The following NRF1 variants were observed in gnomAD, a reference collection of about 807,000 sequenced individuals.
The protein encoded by NRF1 is nuclear respiratory factor 1, also known as alpha palindromic-binding protein.
In NRF1, 5 loss-of-function variants were observed where a neutral mutation model predicts 58.5. That is an observed-to-expected ratio of 0.09 (90% confidence interval 0.04 to 0.18). The LOEUF is 0.18. Among genes scored for constraint, NRF1 ranks in the 10% least tolerant of loss-of-function variants. The probability of loss-of-function intolerance (pLI) is 1.00; values close to 1 mark genes in which losing one functional copy is unlikely to be tolerated. For missense variants in NRF1, 288 were observed against 657.7 expected (o/e 0.44, Z 6.15); for synonymous variants, 224 against 246.7 (o/e 0.91, Z 0.86).
At chr7:129,717,183 CTT>C in intron 8 of NRF1, 34 bp from the exon 9 acceptor site, 1 of 1,547,204 alleles carries the variant, frequency 6.5e-7, no homozygotes, top group South Asian at 1.2e-5. Context: ...ACTTTTGTGG[CTT>C]TGTTTTTTTA....
At chr7:129,665,411 G>C (rs1160372587) in intron 2 of NRF1, among the ~76,000 whole-genome samples, 1 of 152,178 alleles carries the variant, frequency 6.6e-6, no homozygotes, top group Non-Finnish European at 1.5e-5. Flanking sequence ...AGGTGACCCA[G>C]AAAAGGTAAA....
At chr7:129,720,553 A>G (rs532405814) in intron 9 of NRF1, among the ~76,000 whole-genome samples, 3 of 152,304 alleles carry the variant, frequency 2.0e-5, no homozygotes, top group Non-Finnish European at 4.4e-5. Flanking sequence ...TAAAACAAGC[A>G]TGGTTCTCTA....
chr7:129,747,525 T>C (rs559295243), intron 10 of NRF1, among the ~76,000 whole-genome samples: 20 of 152,320 alleles, frequency 1.3e-4, no homozygotes, highest in African/African-American at 4.8e-4. Flanking sequence ...ATACTCAAAG[T>C]CATCTTTGAA....
chr7:129,704,601 A>AT (rs1416915172), intron 5 of NRF1, among the ~76,000 whole-genome samples: 3 of 152,114 alleles, frequency 2.0e-5, no homozygotes, highest in Non-Finnish European at 4.4e-5. Flanking sequence ...ATATTTTTGG[A>AT]TTTTTTTAAC....
At chr7:129,690,663 CTG>C in intron 5 of NRF1, 117 bp downstream of exon 5, 1 of 1,108,988 alleles carries the variant, frequency 9.0e-7, no homozygotes, top group Non-Finnish European at 1.3e-6. Flanking sequence ...GAGATGCTGA[CTG>C]GAGTCTTGTA....
chr7:129,740,554 C>A (rs770718768), intron 10 of NRF1, among the ~76,000 whole-genome samples: 2 of 152,176 alleles, frequency 1.3e-5, no homozygotes, highest in African/African-American at 2.4e-5. Context: ...AATTACCAGG[C>A]CTTTTCTGTC....
At chr7:129,690,749 TCTC>T (rs1237121751) in intron 5 of NRF1, among the ~76,000 whole-genome samples, 2 of 151,956 alleles carry the variant, frequency 1.3e-5, no homozygotes, top group Non-Finnish European at 2.9e-5. Flanking sequence ...ATGGCTGTGG[TCTC>T]CTCTTTCTTC....
chr7:129,747,284 T>C (rs1222162967), intron 10 of NRF1, among the ~76,000 whole-genome samples: 3 of 152,230 alleles, frequency 2.0e-5, no homozygotes, highest in Non-Finnish European at 4.4e-5. Flanking sequence ...GCAGTGCCAG[T>C]TCTGACCATC....
chr7:129,628,246 G>A (rs1160778776), intron 1 of NRF1, among the ~76,000 whole-genome samples: 5 of 149,848 alleles, frequency 3.3e-5, no homozygotes, highest in Admixed American at 6.7e-5. Context: ...GGGTTTCACC[G>A]TGTTAGCCAG....
intron 5 of NRF1, among the ~76,000 whole-genome samples, chr7:129,694,538 T>C (rs1802643191): frequency 6.6e-6 from 1 of 152,102 alleles, no homozygotes; most frequent in African/African-American, 2.4e-5. Context: ...CTAATTTTTT[T>C]TGGATTTTTA....
intron 1 of NRF1, among the ~76,000 whole-genome samples, chr7:129,651,757 A>G (rs1014568609): frequency 6.6e-6 from 1 of 152,208 alleles, no homozygotes. Flanking sequence ...CTCATATATT[A>G]TATTCAATTG....
At chr7:129,702,830 T>TA (rs1209131762) in intron 5 of NRF1, among the ~76,000 whole-genome samples, 2 of 152,168 alleles carry the variant, frequency 1.3e-5, no homozygotes, top group African/African-American at 4.8e-5. Flanking sequence ...AGTTGGCAGA[T>TA]ATGTTGGTCT....
At chr7:129,712,749 A>C (rs915211629) in intron 8 of NRF1, among the ~76,000 whole-genome samples, 2 of 152,250 alleles carry the variant, frequency 1.3e-5, no homozygotes, top group African/African-American at 4.8e-5. Context: ...AGTTTGGGAC[A>C]CTGAAAAACT....
chr7:129,629,397 C>A (rs1800997914), intron 1 of NRF1, among the ~76,000 whole-genome samples: 1 of 151,966 alleles, frequency 6.6e-6, no homozygotes, highest in Non-Finnish European at 1.5e-5. Context: ...TCTGCCTCAG[C>A]CTCCTGAGTA....
chr7:129,702,948 T>C (rs1333731423), intron 5 of NRF1, among the ~76,000 whole-genome samples: 4 of 152,090 alleles, frequency 2.6e-5, no homozygotes, highest in South Asian at 2.1e-4. Context: ...GGAGAGGGTA[T>C]TTGGAGGATG....
At chr7:129,726,083 G>A (rs1402303327) in intron 9 of NRF1, among the ~76,000 whole-genome samples, 1 of 152,182 alleles carries the variant, frequency 6.6e-6, no homozygotes, top group Non-Finnish European at 1.5e-5. Context: ...CCACTGCCAT[G>A]TTACAGCAAA....
chr7:129,755,197 T>C lies in NRF1; in HGVS notation c.*16T>C, dbSNP rs774071452. ...GGAACAGTGACATACAGCCATATTA[T>C]GGCATCGTTTTCTAGTCTACTTCAA... On this transcript the variant is annotated 3_prime_UTR_variant, in exon 11 of 11. Coordinates refer to ENST00000393232, the MANE Select transcript of NRF1 (RefSeq NM_005011.5). This position sits in a 1 kb window ranked among gnomAD's most constrained non-coding sequence, Gnocchi z 5.8. 1.2e-5 allele frequency: 18 copies of C among 1,561,672 alleles called. No homozygotes were observed. The highest frequency in any genetic ancestry group is 1.7e-4 in the Middle Eastern group (1 of 5,972).
intron 1 of NRF1, among the ~76,000 whole-genome samples, chr7:129,632,673 TAA>T (rs150933780): frequency 0.017 from 2,518 of 152,246 alleles, 65 homozygotes; most frequent in African/African-American, 0.057. Flanking sequence ...CAGGGAAAAC[TAA>T]AAAGTGTAAT....
chr7:129,688,068 C>G (rs901412196), intron 4 of NRF1, among the ~76,000 whole-genome samples: 1 of 152,146 alleles, frequency 6.6e-6, no homozygotes, highest in Non-Finnish European at 1.5e-5. Flanking sequence ...GAAGTAGTAA[C>G]CTAATGATTT....
Sources: allele counts gnomAD v4.1 joint callset (sites outside exome capture counted in the v4.1 genomes callset), GRCh38; gene constraint gnomAD v4.1.1; non-coding constraint Gnocchi (gnomAD v3.1); transcripts MANE v1.5; gene names NCBI Gene and HGNC (gene_info 2026-07-23, HGNC 2026-07-21).